Variants in ULK4 observed in about 807,000 individuals in gnomAD.
The protein encoded by ULK4 is inactive serine/threonine-protein kinase ULK4.
ULK4 carries 133 observed loss-of-function variants against 160.6 expected under a neutral mutation model. The ratio of observed to expected loss-of-function variants is 0.83; its 90% CI spans 0.72 to 0.96. ULK4 has a LOEUF of 0.96. Ranked by LOEUF, ULK4 falls within the 40% of genes least tolerant of loss-of-function variation. The probability of loss-of-function intolerance (pLI) is 0.00; values close to 1 mark genes in which losing one functional copy is unlikely to be tolerated. For synonymous variants in ULK4, 534 were observed against 539.8 expected (o/e 0.99, Z 0.15); for missense variants, 1,580 against 1,499.5 (o/e 1.05, Z -0.89).
At chr3:41,501,415 G>A (rs1000882084) in intron 32 of ULK4, among the ~76,000 whole-genome samples, 1 of 152,066 alleles carries the variant, frequency 6.6e-6, no homozygotes, top group African/African-American at 2.4e-5. Flanking sequence ...GGAGAATGGC[G>A]TGAACCCAGG....
chr3:41,442,955 CA>C (rs201032632), intron 34 of ULK4, among the ~76,000 whole-genome samples: 1,962 of 152,218 alleles, frequency 0.013, 15 homozygotes, highest in Non-Finnish European at 0.019. Flanking sequence ...GACATAGAAA[CA>C]GCACACTTTC....
rs57224854 is a variant in ULK4, at chr3:41,412,553, A to ATTTTTTTTTTTTTT, written c.3493-14303_3493-14290dup. 6.7e-3 allele frequency among the ~76,000 whole-genome samples: 673 copies of ATTTTTTTTTTTTTT among 100,382 alleles called. 50 individuals carry two copies. Among genetic ancestry groups the ATTTTTTTTTTTTTT allele is most frequent in the Non-Finnish European group, 9.5e-3 (480 of 50,704 alleles). 65.9% of individuals were successfully genotyped at this position (100,382 alleles called of 152,430 possible). On this transcript the variant is annotated intron_variant, in intron 34 of 36. Transcript: ENST00000301831. Reference sequence around the variant, plus strand: ...TAAAGGTCAATGGCAATGCAGTTGAATTTTTTTTTTTTTTTTTTTTTTTTT... The same window carrying ATTTTTTTTTTTTTT: ...TAAAGGTCAATGGCAATGCAGTTGAATTTTTTTTTTTTTTTTTTTTTTTTTTTTTTTTTTTTTTT...
At chr3:41,335,000 G>C (rs2080524966) in intron 35 of ULK4, among the ~76,000 whole-genome samples, 1 of 152,138 alleles carries the variant, frequency 6.6e-6, no homozygotes, top group Non-Finnish European at 1.5e-5. Flanking sequence ...AAAAGATATA[G>C]AGTTGAGGAT....
intron 35 of ULK4, among the ~76,000 whole-genome samples, chr3:41,258,036 G>T (rs1294682135): frequency 6.6e-6 from 1 of 152,154 alleles, no homozygotes; most frequent in East Asian, 1.9e-4. Context: ...GCTCTGAAAT[G>T]AATGATCCTT....
chr3:41,552,664 A>T (rs1302612795), intron 32 of ULK4, among the ~76,000 whole-genome samples: 1 of 151,998 alleles, frequency 6.6e-6, no homozygotes, highest in Non-Finnish European at 1.5e-5. Flanking sequence ...AAATGATCAT[A>T]CTGCCCAAAA....
At chr3:41,746,290 A>AAAAAAAAAC (rs1394775201) in intron 22 of ULK4, among the ~76,000 whole-genome samples, 1 of 142,838 alleles carries the variant, frequency 7.0e-6, no homozygotes, top group African/African-American at 2.6e-5. Flanking sequence ...AAAAAAAAAA[A>AAAAAAAAAC]AAAAAACCAC....
rs183426664 is a variant in ULK4 at position 41,322,094 on chromosome 3, C to T, written c.3679-72520G>A. 3.2e-4 allele frequency among the ~76,000 whole-genome samples: 46 copies of T among 144,378 alleles called. 12 individuals are homozygous for T. The highest frequency in any genetic ancestry group is 3.4e-3 in the Middle Eastern group (1 of 290). 94.7% of individuals were successfully genotyped at this position (144,378 alleles called of 152,430 possible). A position where few individuals can be genotyped will look rare whatever the true frequency, so the allele number is the denominator to read the frequency against. ...TCACCCAGGCTGGAGTGCAGTGGCG[C>T]GATCTCGGCTCACTACAACCTCCAC... On this transcript the variant is annotated intron_variant, in intron 35 of 36. Transcript: ENST00000301831.
At chr3:41,621,520 T>C (rs537163987) in intron 30 of ULK4, among the ~76,000 whole-genome samples, 12 of 152,294 alleles carry the variant, frequency 7.9e-5, no homozygotes, top group Admixed American at 1.3e-4. Context: ...GGGAAAGGAT[T>C]CCCTATTTAA....
chr3:41,703,875 CAA>C (rs1399330815), intron 27 of ULK4, among the ~76,000 whole-genome samples: 4 of 138,900 alleles, frequency 2.9e-5, no homozygotes, highest in Admixed American at 1.5e-4. Flanking sequence ...CACACACACA[CAA>C]GTTAACTGTG....
chr3:41,410,230 G>A (rs557901893), intron 34 of ULK4, among the ~76,000 whole-genome samples: 142 of 152,268 alleles, frequency 9.3e-4, no homozygotes, highest in African/African-American at 3.2e-3. Context: ...GTACACAAAT[G>A]TTCATAGCAA....
intron 18 of ULK4, among the ~76,000 whole-genome samples, chr3:41,826,048 C>G (rs1378535515): frequency 6.6e-6 from 1 of 152,176 alleles, no homozygotes; most frequent in Non-Finnish European, 1.5e-5. Context: ...AATTTCATAT[C>G]CAGCCAAACT....
At chr3:41,368,206 C>T (rs117208518) in intron 35 of ULK4, among the ~76,000 whole-genome samples, 2 of 151,892 alleles carry the variant, frequency 1.3e-5, no homozygotes. Context: ...CACCACGACG[C>T]CCGGCTAATT....
chr3:41,525,129 G>A (rs936164316), intron 32 of ULK4, among the ~76,000 whole-genome samples: 10 of 152,002 alleles, frequency 6.6e-5, no homozygotes, highest in Non-Finnish European at 1.0e-4. Flanking sequence ...CAGTCCATAC[G>A]ACTACCCAAC....
chr3:41,856,552 TATATATATACAC>T (rs1200040565), intron 17 of ULK4, among the ~76,000 whole-genome samples: 2 of 48,864 alleles, frequency 4.1e-5, no homozygotes, highest in Non-Finnish European at 6.8e-5. Flanking sequence ...TATATATGTG[TATATATATACAC>T]ATATATATAT....
At chr3:41,952,261 G>C (rs925505669) in intron 2 of ULK4, among the ~76,000 whole-genome samples, 1 of 152,106 alleles carries the variant, frequency 6.6e-6, no homozygotes, top group South Asian at 2.1e-4. Context: ...AAAGTGAAAA[G>C]GCAACCTATA....
At chr3:41,335,921 T>C (rs1229537939) in intron 35 of ULK4, among the ~76,000 whole-genome samples, 1 of 152,190 alleles carries the variant, frequency 6.6e-6, no homozygotes, top group Admixed American at 6.5e-5. Context: ...ATAGTTAACC[T>C]GTGAAAAACA....
At chr3:41,555,996 G>A (rs2125585195) in intron 32 of ULK4, among the ~76,000 whole-genome samples, 1 of 152,208 alleles carries the variant, frequency 6.6e-6, no homozygotes, top group South Asian at 2.1e-4. Context: ...TGGACACATA[G>A]AAGAAAACAA....
At chr3:41,673,096 T>C (rs1444061689) in intron 29 of ULK4, among the ~76,000 whole-genome samples, 2 of 152,060 alleles carry the variant, frequency 1.3e-5, no homozygotes, top group Admixed American at 1.3e-4. Context: ...TGCCTCTATC[T>C]ATCAAAGTGC....
intron 30 of ULK4, among the ~76,000 whole-genome samples, chr3:41,660,704 T>C (rs970000152): frequency 1.3e-5 from 2 of 152,144 alleles, no homozygotes; most frequent in African/African-American, 2.4e-5. Flanking sequence ...CCCTTGACCT[T>C]TGGAGCCTCA....
Sources: allele counts gnomAD v4.1 joint callset (sites outside exome capture counted in the v4.1 genomes callset), GRCh38; gene constraint gnomAD v4.1.1; transcripts MANE v1.5; gene names NCBI Gene and HGNC (gene_info 2026-07-23, HGNC 2026-07-21).